PDS5B: variants seen among roughly 807,000 people sequenced by gnomAD.
PDS5B encodes sister chromatid cohesion protein PDS5 homolog B.
Under a neutral mutation model 184.1 loss-of-function variants are expected in PDS5B, and 51 were observed. That is an observed-to-expected ratio of 0.28 (90% CI 0.22 to 0.35). The LOEUF is 0.35. PDS5B is among the 10% of genes least tolerant of loss of function. PDS5B has a pLI of 1.00. For missense variants in PDS5B, 1,180 were observed against 1,723.3 expected (o/e 0.68, Z 5.58); for synonymous variants, 566 against 569.2 (o/e 0.99, Z 0.08).
In PDS5B at chr13:32,773,200, G is replaced by A. The variant is rs971487037; in HGVS notation, c.4184G>A (p.Arg1395His). Residue 1395 changes from arginine to histidine, a missense_variant, in exon 34 of 35, where the codon CGC (arginine) becomes CAC (histidine). Coordinates refer to ENST00000315596, the MANE Select transcript of PDS5B (RefSeq NM_015032.4). Reference protein sequence around the residue: ...SQPKKNVRVGRSKQAATKEND... With the variant: ...SQPKKNVRVGHSKQAATKEND... The stretch of plus-strand genomic sequence containing the variant: ...GTGTTTTACTCTAGCCGTGTAGGAC[G>A]CTCCAAACAAGCAGCTACTAAGGAA... 20 of 1,611,250 alleles carry A rather than the reference G, an allele frequency of 1.2e-5. No individual in the cohort carries two copies. The highest frequency in any genetic ancestry group is 1.5e-5 in the Non-Finnish European group (18 of 1,178,886).
At chr13:32,667,279 C>G (rs1950823488) in intron 6 of PDS5B, among the ~76,000 whole-genome samples, 1 of 152,156 alleles carries the variant, frequency 6.6e-6, no homozygotes, top group Non-Finnish European at 1.5e-5. Context: ...TATCCTTTGA[C>G]TTACCTGTGC....
In PDS5B at chr13:32,586,513, G is replaced by GA. The variant is rs1176964965; in HGVS notation, c.-99dup. ...CTGGCTGCGGAAGGGGAGGGGGGGG[G>GA]AGAAGGCGATTGGATGCGGCGGCGG... On this transcript the variant is annotated 5_prime_UTR_variant, in exon 1 of 35. Coordinates refer to ENST00000315596, the MANE Select transcript of PDS5B (RefSeq NM_015032.4). The GA allele has an allele frequency of 1.3e-5, 2 of 150,784 alleles. No individual in the cohort carries two copies. The highest frequency in any genetic ancestry group is 3.9e-4 in the East Asian group (2 of 5,166). The allele number at this position is 150,784 out of a possible 1,614,324, so 9.3% of individuals were successfully genotyped here.
At position 32,741,160 on chromosome 13, in the gene PDS5B, G is replaced by A; in HGVS notation, c.2475+12G>A. On this transcript the variant is annotated intron_variant, in intron 22 of 34. Coordinates refer to ENST00000315596, the MANE Select transcript of PDS5B (RefSeq NM_015032.4). ...AGACAATGGTCAAAGTGAGTAATGT[G>A]CATAGATCTATTGATTTTAATATAA... 1 of 1,361,812 alleles carries A rather than the reference G, an allele frequency of 7.3e-7. No individual in the cohort carries two copies. The highest frequency in any genetic ancestry group is 1.0e-6 in the Non-Finnish European group (1 of 967,120). The allele number at this position is 1,361,812 out of a possible 1,614,324, so 84.4% of individuals were successfully genotyped here.
intron 19 of PDS5B, among the ~76,000 whole-genome samples, chr13:32,726,518 G>A (rs1288456518): frequency 1.3e-5 from 2 of 152,130 alleles, no homozygotes; most frequent in Non-Finnish European, 2.9e-5. Context: ...TATCCATAAT[G>A]GTTACACCAC....
chr13:32,763,650 T>G (rs1954486894), intron 30 of PDS5B: 1 of 152,100 alleles, frequency 6.6e-6, no homozygotes, highest in South Asian at 2.1e-4. Context: ...TATCCTGGGC[T>G]TTTTACCTGA....
chr13:32,626,863 A>C (rs1330632225), intron 1 of PDS5B, among the ~76,000 whole-genome samples: 3 of 152,208 alleles, frequency 2.0e-5, no homozygotes, highest in Non-Finnish European at 4.4e-5. Flanking sequence ...TCAATCAAAT[A>C]AAAACATTCC....
At chr13:32,679,741 A>T (rs1005658991) in intron 10 of PDS5B, among the ~76,000 whole-genome samples, 1 of 152,048 alleles carries the variant, frequency 6.6e-6, no homozygotes, top group Non-Finnish European at 1.5e-5. Flanking sequence ...CTGATTTCCT[A>T]CTCAAATTTG....
intron 6 of PDS5B, among the ~76,000 whole-genome samples, chr13:32,667,299 T>C (rs1486203014): frequency 6.6e-6 from 1 of 152,196 alleles, no homozygotes; most frequent in Non-Finnish European, 1.5e-5. Flanking sequence ...CTCTGAAATG[T>C]GTTTGAGTAA....
intron 13 of PDS5B, chr13:32,689,658 C>T (rs900705300): frequency 1.3e-5 from 2 of 152,112 alleles, no homozygotes; most frequent in Non-Finnish European, 2.9e-5. Context: ...AAGAGGGAGC[C>T]AGGATTCGCA....
At position 32,753,496 on chromosome 13, in the gene PDS5B, T is replaced by C. The variant is rs1221367968; in HGVS notation, c.2901T>C (p.Asn967=). 1.9e-5 allele frequency: 30 copies of C among 1,613,614 alleles called. No individual in the cohort carries two copies. In the East Asian group the frequency reaches 6.5e-4, roughly 35 times the overall value. The change falls in exon 25 of 35, where the codon AAT becomes AAC. Residue 967 remains asparagine, a synonymous_variant. Coordinates refer to ENST00000315596, the MANE Select transcript of PDS5B (RefSeq NM_015032.4). ...HARQCLVKNI[N]VRREYLKQHA... Reference sequence around the variant, plus strand: ...GGCAATGTTTGGTGAAAAATATAAATGTAAGGCGGGAGTATCTGAAGCAGC... The same window carrying C: ...GGCAATGTTTGGTGAAAAATATAAACGTAAGGCGGGAGTATCTGAAGCAGC...
intron 24 of PDS5B, among the ~76,000 whole-genome samples, chr13:32,750,130 GTTAT>G (rs966890504): frequency 7.9e-5 from 12 of 152,228 alleles, no homozygotes; most frequent in African/African-American, 2.9e-4. Context: ...TTCTTCAGTT[GTTAT>G]TTATGTTAGT....
rs1455483833 is a variant in PDS5B, at chr13:32,758,621, C to T, written c.3277C>T (p.Leu1093=). 6 of 1,613,576 alleles carry T rather than the reference C, an allele frequency of 3.7e-6. No homozygotes were observed. The highest frequency in any genetic ancestry group is 5.1e-6 in the Non-Finnish European group (6 of 1,179,578). Reference sequence around the variant, plus strand: ...TTTGGAATCTCCTAAAGACCCGGTACTACCAGCTCGTTTCTTCACTCAACC... The same window carrying T: ...TTTGGAATCTCCTAAAGACCCGGTATTACCAGCTCGTTTCTTCACTCAACC... The part of the protein sequence containing the change: ...YSLESPKDPV[L]PARFFTQPDK... The change falls in exon 28 of 35, where the codon CTA becomes TTA. Residue 1093 remains leucine (L), a synonymous_variant. Transcript: ENST00000315596.
chr13:32,673,909 G>A (rs1476818703), intron 8 of PDS5B, among the ~76,000 whole-genome samples: 1 of 151,802 alleles, frequency 6.6e-6, no homozygotes, highest in East Asian at 1.9e-4. Flanking sequence ...TGTGCCTCTC[G>A]GGATCAAGCT....
chr13:32,675,466 C>CT (rs1223638381), intron 8 of PDS5B, among the ~76,000 whole-genome samples: 1 of 152,174 alleles, frequency 6.6e-6, no homozygotes, highest in Non-Finnish European at 1.5e-5. Context: ...GGCCTGGCCT[C>CT]TGTCAGTGTC....
chr13:32,760,772 A>C, intron 30 of PDS5B, 52 bp downstream of exon 30: 1 of 1,522,150 alleles, frequency 6.6e-7, no homozygotes, highest in Non-Finnish European at 9.0e-7. Flanking sequence ...CAGCAAGGCT[A>C]TGAGATCTGA....
chr13:32,736,647 G>GT (rs1374278254), intron 21 of PDS5B, among the ~76,000 whole-genome samples: 9 of 151,946 alleles, frequency 5.9e-5, no homozygotes, highest in Admixed American at 2.6e-4. Flanking sequence ...ATAGCTTAAA[G>GT]TTTTTTACAA....
At chr13:32,692,454 C>G (rs979239384) in intron 13 of PDS5B, among the ~76,000 whole-genome samples, 1 of 103,192 alleles carries the variant, frequency 9.7e-6, no homozygotes, top group African/African-American at 3.5e-5. Flanking sequence ...AGATAGAGTC[C>G]GATGGGTGAC....
At chr13:32,772,538 C>A (rs1282964227) in intron 33 of PDS5B, among the ~76,000 whole-genome samples, 1 of 152,122 alleles carries the variant, frequency 6.6e-6, no homozygotes, top group Admixed American at 6.6e-5. Flanking sequence ...TTGGCAAAAT[C>A]AGAAAGCTAA....
intron 19 of PDS5B, among the ~76,000 whole-genome samples, chr13:32,715,433 ATC>A (rs920017555): frequency 4.6e-5 from 7 of 152,118 alleles, no homozygotes; most frequent in African/African-American, 1.7e-4. Flanking sequence ...TTGTTTGTAT[ATC>A]TCTGATTTGT....
Sources: allele counts gnomAD v4.1 joint callset (sites outside exome capture counted in the v4.1 genomes callset), GRCh38; gene constraint gnomAD v4.1.1; transcripts MANE v1.5; gene names NCBI Gene and HGNC (gene_info 2026-07-23, HGNC 2026-07-21).